Variants in SLC38A8 observed in about 807,000 individuals in gnomAD.
SLC38A8 encodes amino acid transporter SLC38A8.
A neutral mutation model predicts 46.0 loss-of-function variants in SLC38A8; 65 were observed. That is an observed-to-expected ratio of 1.41 (90% CI 1.16 to 1.74). The LOEUF (loss-of-function observed/expected upper bound fraction) is 1.74. Among genes scored for constraint, SLC38A8 ranks in the 40% most tolerant of loss-of-function variants. The pLI is 0.00. For missense variants in SLC38A8, 998 were observed against 567.9 expected (o/e 1.76, Z -7.70); for synonymous variants, 447 against 243.7 (o/e 1.83, Z -7.77).
intron 7 of SLC38A8, among the ~76,000 whole-genome samples, chr16:84,017,609 G>T (rs982137784): frequency 3.3e-5 from 5 of 152,144 alleles, no homozygotes; most frequent in African/African-American, 1.2e-4. Context: ...CACCTCCCAT[G>T]CCCTGTCCAT....
intron 4 of SLC38A8, among the ~76,000 whole-genome samples, 200 bp from the exon 5 acceptor site, chr16:84,032,168 AGTTTTGTTGTT>A (rs567114100): frequency 0.12 from 8,766 of 71,600 alleles, 364 homozygotes; most frequent in East Asian, 0.29. Context: ...TCAGATGTAG[AGTTTTGTTGTT>A]GTTGTTTTGT....
chr16:84,026,141 A>C (rs1029098112), intron 6 of SLC38A8, among the ~76,000 whole-genome samples: 1 of 152,242 alleles, frequency 6.6e-6, no homozygotes, highest in South Asian at 2.1e-4. Flanking sequence ...ATATAAGGGA[A>C]AAGACAGTTA....
chr16:84,018,733 A>T (rs1352375348), intron 7 of SLC38A8, among the ~76,000 whole-genome samples: 1 of 152,168 alleles, frequency 6.6e-6, no homozygotes, highest in East Asian at 1.9e-4. Flanking sequence ...ATCTTAACAC[A>T]GTGATGTCTG....
In SLC38A8 at chr16:84,036,621, C is replaced by A. The variant is rs957210597; in HGVS notation, c.388+81G>T. 45 of 1,510,844 alleles carry A rather than the reference C, an allele frequency of 3.0e-5. No homozygotes were observed. The South Asian group carries it at 4.4e-4, about 15-fold the overall frequency. 93.6% of individuals were successfully genotyped at this position (1,510,844 alleles called of 1,614,324 possible). On this transcript the variant is annotated intron_variant, in intron 3 of 10. Transcript: ENST00000299709. ...CCTCAGGGCCCAGGCCAGGGCCCCA[C>A]GTCCTGCTCAACTGGAAACTCCAAG...
chr16:84,009,932 C>G (rs776708513), intron 10 of SLC38A8, 55 bp from the exon 11 acceptor site: 1 of 1,498,992 alleles, frequency 6.7e-7, no homozygotes, highest in Non-Finnish European at 9.2e-7. Flanking sequence ...CACAAATAAG[C>G]CACACACACA....
chr16:84,042,935 G>A (rs561620732), upstream of SLC38A8, among the ~76,000 whole-genome samples: 11 of 152,294 alleles, frequency 7.2e-5, no homozygotes, highest in East Asian at 2.1e-3. Flanking sequence ...AGCCACACGG[G>A]GCAGGGGAGC....
At chr16:84,021,125 C>G (rs960917871) in intron 7 of SLC38A8, among the ~76,000 whole-genome samples, 1 of 152,096 alleles carries the variant, frequency 6.6e-6, no homozygotes, top group South Asian at 2.1e-4. Context: ...TGCAATGGTG[C>G]GATCTCAGCT....
intron 9 of SLC38A8, among the ~76,000 whole-genome samples, chr16:84,016,122 TGGGGGGCG>T (rs538908724): frequency 0.022 from 630 of 28,618 alleles, 6 homozygotes; most frequent in African/African-American, 0.075. Flanking sequence ...GAGCTTGTGC[TGGGGGGCG>T]GGGGGGGACC....
intron 6 of SLC38A8, among the ~76,000 whole-genome samples, chr16:84,024,195 G>C (rs999592571): frequency 6.6e-6 from 1 of 152,186 alleles, no homozygotes; most frequent in East Asian, 1.9e-4. Context: ...CCCACTCTGT[G>C]GTGCTAGAAG....
intron 5 of SLC38A8, among the ~76,000 whole-genome samples, chr16:84,029,859 G>A (rs1567699510): frequency 1.3e-5 from 2 of 152,206 alleles, no homozygotes; most frequent in African/African-American, 2.4e-5. Context: ...GGCTCCCAGT[G>A]CGGTTTGGTA....
At chr16:84,026,970 G>A (rs1448843703) in intron 6 of SLC38A8, among the ~76,000 whole-genome samples, 1 of 152,148 alleles carries the variant, frequency 6.6e-6, no homozygotes, top group Admixed American at 6.6e-5. Flanking sequence ...GCACAGCTCT[G>A]ACTGTACTAA....
At chr16:84,032,423 G>A (rs1276273607) in intron 4 of SLC38A8, among the ~76,000 whole-genome samples, 1 of 152,186 alleles carries the variant, frequency 6.6e-6, no homozygotes, top group Non-Finnish European at 1.5e-5. Context: ...TGCTGACCTC[G>A]TGATCTGCCT....
intron 7 of SLC38A8, among the ~76,000 whole-genome samples, chr16:84,019,819 G>A (rs953508628): frequency 6.6e-6 from 1 of 152,248 alleles, no homozygotes; most frequent in East Asian, 1.9e-4. Flanking sequence ...AAGGAAAGGA[G>A]TAAAGGCTCT....
intron 7 of SLC38A8, among the ~76,000 whole-genome samples, chr16:84,021,317 G>A (rs751880914): frequency 2.0e-4 from 30 of 152,118 alleles, no homozygotes; most frequent in South Asian, 6.2e-4. Context: ...CACCTGCCTC[G>A]GCCTCCCAAA....
intron 10 of SLC38A8, among the ~76,000 whole-genome samples, chr16:84,012,510 G>T (rs57481249): frequency 0.037 from 5,603 of 152,238 alleles, 374 homozygotes; most frequent in African/African-American, 0.13. Context: ...ATCCGGGCCC[G>T]CCTCCTCAGC....
At position 84,016,602 on chromosome 16, in the gene SLC38A8, G is replaced by T; in HGVS notation, c.1079C>A (p.Ala360Asp). Residue 360 changes from alanine to aspartate, a missense_variant, in exon 9 of 11, where the codon GCC (alanine) becomes GAC (aspartate). Physicochemically the swap from Ala to Asp is moderately radical, Grantham distance 126 (BLOSUM62 -2). Transcript: ENST00000299709. ...LTILWVTVTL[A>D]MALFMPDLSE... ...GAGGTCAGGCATAAACAGCGCCATG[G>T]CGAGCGTCACGGTGACCCACAGGAT... 1 of 1,613,982 alleles carries T rather than the reference G, an allele frequency of 6.2e-7. No individual in the cohort carries two copies.
At chr16:84,011,910 G>T (rs966318662) in intron 10 of SLC38A8, among the ~76,000 whole-genome samples, 1 of 152,046 alleles carries the variant, frequency 6.6e-6, no homozygotes, top group Non-Finnish European at 1.5e-5. Flanking sequence ...AAAAGCAGAG[G>T]GATTTCTGAG....
intron 9 of SLC38A8, among the ~76,000 whole-genome samples, chr16:84,014,434 C>T (rs2084999675): frequency 6.6e-6 from 1 of 151,942 alleles, no homozygotes; most frequent in Non-Finnish European, 1.5e-5. Context: ...GTGGCCACAC[C>T]CCTCACCTCT....
chr16:84,032,073 G>C (rs906644605), intron 4 of SLC38A8, 105 bp from the exon 5 acceptor site: 1 of 981,300 alleles, frequency 1.0e-6, no homozygotes, highest in Non-Finnish European at 1.6e-6. Flanking sequence ...TGACAATGAG[G>C]TGCTGGCCAA....
Sources: gnomAD v4.1 joint callset for allele counts (sites outside exome capture counted in the v4.1 genomes callset) on GRCh38, gnomAD v4.1.1 for gene constraint, MANE v1.5 for transcripts, NCBI Gene and HGNC (gene_info 2026-07-23, HGNC 2026-07-21) for gene names.